The following GREB1L variants were observed in gnomAD, a reference collection of about 807,000 sequenced individuals.
GREB1L encodes the protein GREB1-like protein.
A neutral mutation model predicts 200.8 loss-of-function variants in GREB1L; 17 were observed. The ratio of observed to expected loss-of-function variants is 0.08; its 90% CI spans 0.06 to 0.13. The LOEUF is 0.13. Among genes scored for constraint, GREB1L ranks in the 10% least tolerant of loss-of-function variants. The probability of loss-of-function intolerance (pLI) is 1.00; values close to 1 mark genes in which losing one functional copy is unlikely to be tolerated. For synonymous variants in GREB1L, 789 were observed against 893.0 expected, an observed-to-expected ratio of 0.88 and a Z score of 2.08; for missense variants, 1,657 against 2,367.7, an observed-to-expected ratio of 0.70 and a Z score of 6.23.
intron 1 of GREB1L, among the ~76,000 whole-genome samples, chr18:21,348,989 C>A (rs2039395311): frequency 6.6e-6 from 1 of 152,136 alleles, no homozygotes. Flanking sequence ...TAGCGGCCAT[C>A]TGTGTGGCTG....
rs1347121465 is a variant in GREB1L at position 21,524,808 on chromosome 18, T to TTAAC, written c.*1989_*1992dup. On this transcript the variant is annotated 3_prime_UTR_variant, in exon 33 of 33. Coordinates refer to ENST00000424526, the MANE Select transcript of GREB1L (RefSeq NM_001142966.3). ...ATTATTATGAGCTCTTAAATACTAT[T>TTAAC]TAACTCTGGAAGAGATATGCCAGAA... is the stretch of plus-strand genomic sequence containing the variant. 2 of 152,054 alleles carry TTAAC rather than the reference T, an allele frequency of 1.3e-5. No individual in the cohort carries two copies. The highest frequency in any genetic ancestry group is 2.4e-5 in the African/African-American group (1 of 41,416). 9.4% of individuals were successfully genotyped at this position (152,054 alleles called of 1,614,324 possible).
At position 21,520,747 on chromosome 18, in the gene GREB1L, G is replaced by A. The variant is rs1371432501; in HGVS notation, c.5532G>A (p.Val1844=). The A allele has an allele frequency of 1.3e-6, 2 of 1,550,106 alleles. No individual in the cohort carries two copies. Among genetic ancestry groups the A allele is most frequent in the Non-Finnish European group, 1.7e-6 (2 of 1,146,186 alleles). The change falls in exon 32 of 33, where the codon GTG becomes GTA. Residue 1844 remains valine (V), a synonymous_variant. Transcript: ENST00000424526. ...CCAGCAATGTCAACTGTGAAGGGGT[G>A]TTTTTCAGTGGACTCCTTTTGTACC... ...PHSSNVNCEG[V]FFSGLLLYLC... is the part of the protein sequence containing the mutation.
At chr18:21,432,505 T>A (rs1400615288) in intron 7 of GREB1L, among the ~76,000 whole-genome samples, 8 of 151,868 alleles carry the variant, frequency 5.3e-5, no homozygotes, top group Non-Finnish European at 2.9e-5. Context: ...AAGATGTTGG[T>A]ACAACTTTAT....
At chr18:21,502,547 T>C (rs2036841279) in intron 23 of GREB1L, among the ~76,000 whole-genome samples, 2 of 152,174 alleles carry the variant, frequency 1.3e-5, no homozygotes, top group Non-Finnish European at 2.9e-5. Context: ...ATCAGCCATA[T>C]TTAACCACTT....
At chr18:21,397,423 G>T (rs2041117466) in intron 5 of GREB1L, among the ~76,000 whole-genome samples, 1 of 151,836 alleles carries the variant, frequency 6.6e-6, no homozygotes, top group Non-Finnish European at 1.5e-5. Flanking sequence ...TACTTGGGAG[G>T]CTGAGGCAGG....
intron 7 of GREB1L, among the ~76,000 whole-genome samples, chr18:21,430,708 T>A (rs2033078784): frequency 6.6e-6 from 1 of 151,016 alleles, no homozygotes; most frequent in Non-Finnish European, 1.5e-5. Context: ...GCCATTCTCT[T>A]GCCTCAGCCT....
chr18:21,292,264 C>T (rs1316153260), intron 1 of GREB1L, among the ~76,000 whole-genome samples: 1 of 152,192 alleles, frequency 6.6e-6, no homozygotes, highest in Non-Finnish European at 1.5e-5. Flanking sequence ...GATGCACTGT[C>T]TGGTGCTGTG....
Position 21,454,374 on chromosome 18 carries a change from A to G in GREB1L, c.1993A>G (p.Asn665Asp), listed in dbSNP as rs547404316. 14 of 1,549,828 alleles carry G rather than the reference A, an allele frequency of 9.0e-6. No homozygotes were observed. In the African/African-American group the frequency reaches 1.8e-4, roughly 20 times the overall value. Residue 665 changes from asparagine (N) to aspartate (D), a missense_variant, in exon 15 of 33, where the codon AAT (asparagine) becomes GAT (aspartate). Around this residue, in one of 9 missense-constraint regions of GREB1L, gnomAD observed 239 missense variants for 421.8 expected, o/e 0.57. Transcript: ENST00000424526. Reference sequence around the variant, plus strand: ...TTCTCTTTAAATTTTAGATTTAGATAATGAAACCTTCCACATTTATCAACC... The same window carrying G: ...TTCTCTTTAAATTTTAGATTTAGATGATGAAACCTTCCACATTTATCAACC... ...MIPTQNLDLD[N>D]ETFHIYQPQL... is the part of the protein sequence containing the mutation.
At chr18:21,256,953 C>T (rs1057440161) in intron 1 of GREB1L, among the ~76,000 whole-genome samples, 4 of 141,712 alleles carry the variant, frequency 2.8e-5, no homozygotes, top group Non-Finnish European at 6.0e-5. Context: ...TGCAGTGAGC[C>T]GAGATCATGC....
At chr18:21,450,386 A>AT (rs2034460896) in intron 12 of GREB1L, among the ~76,000 whole-genome samples, 1 of 152,090 alleles carries the variant, frequency 6.6e-6, no homozygotes, top group Non-Finnish European at 1.5e-5. Flanking sequence ...TTTGGACTAC[A>AT]TTTTGCTTCT....
chr18:21,421,641 C>T (rs2032155576), intron 7 of GREB1L, among the ~76,000 whole-genome samples: 1 of 152,184 alleles, frequency 6.6e-6, no homozygotes, highest in South Asian at 2.1e-4. Flanking sequence ...AAAGCATTTG[C>T]TGAATATCTA....
At chr18:21,441,155 A>G (rs2033877574) in intron 9 of GREB1L, among the ~76,000 whole-genome samples, 1 of 152,356 alleles carries the variant, frequency 6.6e-6, no homozygotes, top group East Asian at 1.9e-4. Flanking sequence ...TATGGAAAAA[A>G]CAACTGGAAG....
intron 1 of GREB1L, among the ~76,000 whole-genome samples, chr18:21,314,988 TG>T (rs1375383539): frequency 6.6e-6 from 1 of 152,226 alleles, no homozygotes; most frequent in Non-Finnish European, 1.5e-5. Context: ...TAACCATTAA[TG>T]TAGGTCAGTG....
chr18:21,263,464 C>A (rs1047720682), intron 1 of GREB1L, among the ~76,000 whole-genome samples: 4 of 152,134 alleles, frequency 2.6e-5, no homozygotes. Flanking sequence ...ATCTCCTTGT[C>A]TTTAGTTTCC....
chr18:21,253,073 T>C (rs1378456331), intron 1 of GREB1L, among the ~76,000 whole-genome samples: 1 of 152,064 alleles, frequency 6.6e-6, no homozygotes, highest in Admixed American at 6.6e-5. Context: ...AGACAGAGCT[T>C]TGTTGGATTT....
chr18:21,250,091 G>T (rs188084203), intron 1 of GREB1L, among the ~76,000 whole-genome samples: 48 of 152,304 alleles, frequency 3.2e-4, no homozygotes, highest in African/African-American at 8.4e-4. Context: ...CACTGGAAAG[G>T]TTAGGGGAAG....
At chr18:21,416,304 G>C (rs1189912962) in intron 7 of GREB1L, among the ~76,000 whole-genome samples, 7 of 152,134 alleles carry the variant, frequency 4.6e-5, no homozygotes, top group Admixed American at 2.0e-4. Context: ...ACAACTACAA[G>C]CAGCCTAATA....
intron 7 of GREB1L, among the ~76,000 whole-genome samples, chr18:21,435,503 A>G (rs1181928519): frequency 2.0e-5 from 3 of 152,364 alleles, no homozygotes; most frequent in East Asian, 3.9e-4. Context: ...GTTTTAGCCC[A>G]GCATTGTAGG....
At chr18:21,449,859 G>T (rs2034433635) in intron 12 of GREB1L, 23 bp downstream of exon 12, 2 of 1,459,014 alleles carry the variant, frequency 1.4e-6, no homozygotes, top group East Asian at 5.0e-5. Context: ...TTTGTTTTTT[G>T]TTTGTTTAAT....
Sources: gnomAD v4.1 joint callset for allele counts (sites outside exome capture counted in the v4.1 genomes callset) on GRCh38, gnomAD v4.1.1 for gene constraint, gnomAD v4.1.1 regional missense constraint, MANE v1.5 for transcripts, NCBI Gene and HGNC (gene_info 2026-07-23, HGNC 2026-07-21) for gene names.